AOX1: variants seen among roughly 807,000 people sequenced by gnomAD.
AOX1 encodes aldehyde oxidase.
AOX1 carries 153 observed loss-of-function variants against 169.5 expected under a neutral mutation model. The observed-to-expected ratio is 0.90, with a 90% CI of 0.79 to 1.03. The LOEUF is 1.03. Among genes scored for constraint, AOX1 ranks in the 50% least tolerant of loss-of-function variants. The pLI is 0.00. For synonymous variants in AOX1, 562 were observed against 581.9 expected (o/e 0.97, Z 0.49); for missense variants, 1,656 against 1,663.9 (o/e 1.00, Z 0.08).
chr2:200,633,680 C>A (rs1449607171), intron 20 of AOX1, among the ~76,000 whole-genome samples: 1 of 152,068 alleles, frequency 6.6e-6, no homozygotes, highest in Non-Finnish European at 1.5e-5. Flanking sequence ...ATTCTAACAT[C>A]TGTGTCATCT....
At chr2:200,670,410 T>C (rs1451290775) in intron 34 of AOX1, among the ~76,000 whole-genome samples, 1 of 152,138 alleles carries the variant, frequency 6.6e-6, no homozygotes, top group Non-Finnish European at 1.5e-5. Context: ...AGAGACCCAC[T>C]CCACTTTTCA....
At chr2:200,594,828 C>T (rs1043557877) in intron 2 of AOX1, among the ~76,000 whole-genome samples, 5 of 152,122 alleles carry the variant, frequency 3.3e-5, no homozygotes, top group African/African-American at 7.2e-5. Context: ...GCAGCTTTTG[C>T]GACTGAAAGG....
At position 200,586,075 on chromosome 2, in the gene AOX1, C is replaced by G. The variant is rs947092611; in HGVS notation, c.-34C>G. The G allele has an allele frequency of 2.6e-6, 4 of 1,548,734 alleles. No homozygotes were observed. The highest frequency in any genetic ancestry group is 2.0e-5 in the Admixed American group (1 of 51,202). On this transcript the variant is annotated 5_prime_UTR_variant, in exon 1 of 35. Transcript: ENST00000374700. ...GCTACTTCCCAGAACCTCCGCCTCC[C>G]GCTCCGGGCCCTCGAACCAGCGCGG...
chr2:200,586,216 C>CCCTGCCGTT (rs1195203457), intron 1 of AOX1, 63 bp downstream of exon 1: 20 of 1,469,640 alleles, frequency 1.4e-5, no homozygotes, highest in Non-Finnish European at 1.7e-5. Context: ...AGAGAGGAGC[C>CCCTGCCGTT]CCTGCCGTTC....
chr2:200,622,695 C>T (rs963118038), intron 18 of AOX1, among the ~76,000 whole-genome samples: 3 of 152,164 alleles, frequency 2.0e-5, no homozygotes, highest in African/African-American at 7.2e-5. Context: ...TTATGAAGAT[C>T]ATAAGCATCT....
At chr2:200,659,097 A>G in intron 27 of AOX1, 68 bp from the exon 28 acceptor site, 4 of 1,512,120 alleles carry the variant, frequency 2.6e-6, no homozygotes, top group Non-Finnish European at 3.6e-6. Flanking sequence ...ATGTGTTACC[A>G]CGTGGGCATG....
At chr2:200,612,124 A>G (rs1175654580) in intron 13 of AOX1, among the ~76,000 whole-genome samples, 3 of 152,134 alleles carry the variant, frequency 2.0e-5, no homozygotes, top group Non-Finnish European at 2.9e-5. Context: ...GCCTCTACCT[A>G]TATCTTGGGT....
chr2:200,662,775 A>C lies in AOX1; in HGVS notation c.3429-80A>C. 3.6e-6 allele frequency: 4 copies of C among 1,109,370 alleles called. No individual in the cohort carries two copies. In the East Asian group the frequency reaches 9.4e-5, roughly 26 times the overall value. The allele number at this position is 1,109,370 out of a possible 1,614,324, so 68.7% of individuals were successfully genotyped here. On this transcript the variant is annotated intron_variant, in intron 30 of 34. Transcript: ENST00000374700. ...CAGGTATATTCCTGTGGCTTGCATAAATCCTCATGGGTCTGTTTAGTCATC... is the reference window on the plus strand; with the variant it reads ...CAGGTATATTCCTGTGGCTTGCATACATCCTCATGGGTCTGTTTAGTCATC...
intron 2 of AOX1, among the ~76,000 whole-genome samples, chr2:200,594,148 G>A (rs1486289593): frequency 4.6e-5 from 7 of 152,150 alleles, no homozygotes; most frequent in East Asian, 1.9e-4. Context: ...TTTGATCACC[G>A]TGTAAGTCTG....
chr2:200,659,782 T>TCACACACACA (rs763022331), intron 28 of AOX1, among the ~76,000 whole-genome samples: 1 of 134,682 alleles, frequency 7.4e-6, no homozygotes, highest in South Asian at 2.4e-4. Context: ...GCCAGTTCTC[T>TCACACACACA]CTCTCACACA....
chr2:200,596,032 C>T (rs1203416831), intron 3 of AOX1, among the ~76,000 whole-genome samples: 1 of 152,202 alleles, frequency 6.6e-6, no homozygotes, highest in Non-Finnish European at 1.5e-5. Context: ...GGAAACTTCT[C>T]AAGGCATTAT....
intron 32 of AOX1, among the ~76,000 whole-genome samples, chr2:200,668,209 G>T (rs190336329): frequency 1.3e-5 from 2 of 151,616 alleles, no homozygotes; most frequent in Admixed American, 6.6e-5. Context: ...AGGTTCAAGC[G>T]ATTCTCCTGC....
chr2:200,635,015 G>T (rs1034277140), intron 21 of AOX1, 100 bp downstream of exon 21: 5 of 1,469,502 alleles, frequency 3.4e-6, no homozygotes, highest in Non-Finnish European at 4.6e-6. Context: ...GGGAATTTGA[G>T]GTGGGGGGAT....
intron 8 of AOX1, 49 bp from the exon 9 acceptor site, chr2:200,604,647 T>G: frequency 1.2e-6 from 2 of 1,601,174 alleles, no homozygotes; most frequent in Non-Finnish European, 1.7e-6. Context: ...TGGAAACAGG[T>G]GGAGATGGCA....
At chr2:200,626,117 A>C (rs2034999044) in intron 19 of AOX1, among the ~76,000 whole-genome samples, 1 of 152,226 alleles carries the variant, frequency 6.6e-6, no homozygotes, top group Non-Finnish European at 1.5e-5. Flanking sequence ...TTAACTTACT[A>C]AATGCTCACC....
chr2:200,676,666 T>C (rs1040721363), intron 4 of AOX1, among the ~76,000 whole-genome samples: 1 of 151,380 alleles, frequency 6.6e-6, no homozygotes, highest in African/African-American at 2.4e-5. Flanking sequence ...GTTGTCCCCA[T>C]GGCAAGGAGA....
intron 29 of AOX1, 28 bp from the exon 30 acceptor site, chr2:200,661,551 T>G (rs1476857740): frequency 6.3e-7 from 1 of 1,594,026 alleles, no homozygotes; most frequent in African/African-American, 1.4e-5. Context: ...GCATCCTTGT[T>G]GCATCATGCT....
intron 15 of AOX1, among the ~76,000 whole-genome samples, chr2:200,615,187 T>A (rs1225461072): frequency 6.6e-6 from 1 of 152,112 alleles, no homozygotes; most frequent in East Asian, 1.9e-4. Flanking sequence ...TTTATTTTTT[T>A]GGAGAGACAG....
chr2:200,609,281 T>C, intron 11 of AOX1, 40 bp from the exon 12 acceptor site: 2 of 1,605,896 alleles, frequency 1.2e-6, no homozygotes, highest in Non-Finnish European at 1.7e-6. Flanking sequence ...CTTGCTTTTT[T>C]ATGATTACAT....
Sources: allele counts gnomAD v4.1 joint callset (sites outside exome capture counted in the v4.1 genomes callset), GRCh38; gene constraint gnomAD v4.1.1; transcripts MANE v1.5; gene names NCBI Gene and HGNC (gene_info 2026-07-23, HGNC 2026-07-21).